The following MTCH1 variants were observed in gnomAD, a reference collection of about 807,000 sequenced individuals.
MTCH1 encodes mitochondrial carrier homolog 1.
In MTCH1, 23 loss-of-function variants were observed where a neutral mutation model predicts 49.3. The ratio of observed to expected loss-of-function variants is 0.47; its 90% CI spans 0.34 to 0.66. MTCH1 has a LOEUF of 0.66. Among genes scored for constraint, MTCH1 ranks in the 30% least tolerant of loss-of-function variants. The pLI, the probability that MTCH1 is intolerant of heterozygous loss-of-function variation, is 0.01. For missense variants in MTCH1, 397 were observed against 532.1 expected (o/e 0.75, Z 2.50); for synonymous variants, 229 against 215.2 (o/e 1.06, Z -0.56).
At chr6:36,981,018 G>A (rs1223425410) in intron 2 of MTCH1, among the ~76,000 whole-genome samples, 1 of 152,186 alleles carries the variant, frequency 6.6e-6, no homozygotes, top group African/African-American at 2.4e-5. Context: ...GCCACAGCAG[G>A]TAAGTGGCCC....
At chr6:36,985,694 G>A (rs1312448203) in intron 1 of MTCH1, among the ~76,000 whole-genome samples, 159 bp downstream of exon 1, 3 of 151,238 alleles carry the variant, frequency 2.0e-5, no homozygotes, top group Non-Finnish European at 4.4e-5. Context: ...ACTCCCTCAC[G>A]GCTTCCCTCC....
rs1287876856 is a variant in MTCH1 at position 36,982,659 on chromosome 6, G to T, written c.322-987C>A. On this transcript the variant is annotated intron_variant, in intron 1 of 11. Coordinates refer to ENST00000373627, the MANE Select transcript of MTCH1 (RefSeq NM_001271641.2). This position sits in a 1 kb window ranked among gnomAD's most constrained non-coding sequence, Gnocchi z 4.1. ...CCGCCTCGGCCTCCCAAAGTGCTGG[G>T]ATTACAGGCATGAGCCACTGCGCCC... 1.3e-5 allele frequency among the ~76,000 whole-genome samples: 2 copies of T among 152,246 alleles called. No homozygotes were observed. Among genetic ancestry groups the T allele is most frequent in the African/African-American group, 2.4e-5 (1 of 41,466 alleles).
chr6:36,983,890 C>T (rs1424066359), intron 1 of MTCH1, among the ~76,000 whole-genome samples: 1 of 152,188 alleles, frequency 6.6e-6, no homozygotes, highest in Admixed American at 6.5e-5. Flanking sequence ...TTACACTCAA[C>T]ACCAGCTGGG....
intron 7 of MTCH1, among the ~76,000 whole-genome samples, chr6:36,973,661 G>A (rs1763758692): frequency 1.3e-5 from 2 of 152,216 alleles, no homozygotes; most frequent in Non-Finnish European, 2.9e-5. Flanking sequence ...TAACATGTAT[G>A]AGTATCACCT....
chr6:36,970,753 CA>C lies in MTCH1; in HGVS notation c.907-60del, dbSNP rs1198235666. ...AGGCACCTCAGGATGCAGACTTCAG[CA>C]ACACATGCCCTCACCCCACCCTCTG... On this transcript the variant is annotated intron_variant, in intron 8 of 11. Coordinates refer to ENST00000373627, the MANE Select transcript of MTCH1 (RefSeq NM_001271641.2). The C allele has an allele frequency of 3.1e-5, 48 of 1,547,522 alleles. No homozygotes were observed. In the Middle Eastern group the frequency reaches 1.0e-3, roughly 32 times the overall value.
chr6:36,976,483 G>C (rs1267863468), intron 6 of MTCH1: 1 of 470,340 alleles, frequency 2.1e-6, no homozygotes. Flanking sequence ...TACCCTTCTG[G>C]TCCCAACTAC....
intron 9 of MTCH1, 49 bp from the exon 10 acceptor site, chr6:36,970,522 A>G: frequency 6.2e-7 from 1 of 1,609,308 alleles, no homozygotes; most frequent in East Asian, 2.2e-5. Context: ...CGGCCCAGGG[A>G]GCAGGGACAC....
Position 36,972,464 on chromosome 6 carries a change from G to A in MTCH1, c.906+188C>T, listed in dbSNP as rs1343322933. On this transcript the variant is annotated intron_variant, in intron 8 of 11. Transcript: ENST00000373627. This position sits in a 1 kb window ranked among gnomAD's most constrained non-coding sequence, Gnocchi z 4.1. Reference sequence around the variant, plus strand: ...CATTCCATTAATTCCTCCCAGGTCTGGGTACTAATCTGGAATCTCGCCTCT... The same window carrying A: ...CATTCCATTAATTCCTCCCAGGTCTAGGTACTAATCTGGAATCTCGCCTCT... 6.6e-6 allele frequency among the ~76,000 whole-genome samples: 1 copy of A among 152,072 alleles called. No individual in the cohort carries two copies. Among genetic ancestry groups the A allele is most frequent in the Non-Finnish European group, 1.5e-5 (1 of 68,018 alleles).
chr6:36,974,721 C>G (rs1039613832), intron 7 of MTCH1, among the ~76,000 whole-genome samples: 3 of 152,182 alleles, frequency 2.0e-5, no homozygotes, highest in Non-Finnish European at 1.5e-5. Context: ...TATACACACA[C>G]ATGCACCTAC....
chr6:36,974,950 A>G (rs1226383954), intron 7 of MTCH1, among the ~76,000 whole-genome samples: 1 of 152,194 alleles, frequency 6.6e-6, no homozygotes, highest in Non-Finnish European at 1.5e-5. Flanking sequence ...CAACTCATCA[A>G]GCCTGGCTTC....
chr6:36,969,967 T>C, intron 11 of MTCH1, 72 bp downstream of exon 11: 5 of 1,586,206 alleles, frequency 3.2e-6, no homozygotes, highest in Non-Finnish European at 4.3e-6. Context: ...CAATGAAGCA[T>C]CCACAAAACC....
chr6:36,971,354 A>C (rs1275954757), intron 8 of MTCH1, among the ~76,000 whole-genome samples: 1 of 152,008 alleles, frequency 6.6e-6, no homozygotes, highest in Non-Finnish European at 1.5e-5. Context: ...ACTTTAGACA[A>C]ATCTGTTGAC....
Position 36,982,876 on chromosome 6 carries a change from G to C in MTCH1, c.322-1204C>G, listed in dbSNP as rs1362228201. ...GGCAAGGGGCCAGGATACCAGCCCT[G>C]TGCCCTCTAAGCAGGCCAGCTGGGC... On this transcript the variant is annotated intron_variant, in intron 1 of 11. Coordinates refer to ENST00000373627, the MANE Select transcript of MTCH1 (RefSeq NM_001271641.2). The surrounding 1 kb of genome is among the most constrained non-coding windows in gnomAD (Gnocchi z 4.1). 2.0e-5 allele frequency among the ~76,000 whole-genome samples: 3 copies of C among 152,220 alleles called. No individual in the cohort carries two copies. Among genetic ancestry groups the C allele is most frequent in the African/African-American group, 7.2e-5 (3 of 41,456 alleles).
At chr6:36,983,429 C>T (rs916172079) in intron 1 of MTCH1, among the ~76,000 whole-genome samples, 9 of 152,188 alleles carry the variant, frequency 5.9e-5, no homozygotes, top group African/African-American at 2.2e-4. Context: ...CCCACTGACC[C>T]CAATTTCATA....
intron 7 of MTCH1, 54 bp downstream of exon 7, chr6:36,975,604 C>A: frequency 6.4e-7 from 1 of 1,556,428 alleles, no homozygotes; most frequent in South Asian, 1.1e-5. Flanking sequence ...TGAGGACACA[C>A]CTGTTAGCAG....
chr6:36,969,394 C>A (rs1763591878), intron 11 of MTCH1: 1 of 1,079,406 alleles, frequency 9.3e-7, no homozygotes, highest in Admixed American at 4.9e-5. Flanking sequence ...CTGGCTCCCT[C>A]CGGGCCACTG....
intron 6 of MTCH1, among the ~76,000 whole-genome samples, chr6:36,976,027 G>A (rs1763867196): frequency 1.3e-5 from 2 of 152,212 alleles, no homozygotes; most frequent in South Asian, 4.1e-4. Context: ...GGCCACTGCT[G>A]CAGAGGCGGC....
At position 36,977,564 on chromosome 6, in the gene MTCH1, G is replaced by C; in HGVS notation, c.649+70C>G. On this transcript the variant is annotated intron_variant, in intron 5 of 11. Coordinates refer to ENST00000373627, the MANE Select transcript of MTCH1 (RefSeq NM_001271641.2). The surrounding 1 kb of genome is among the most constrained non-coding windows in gnomAD (Gnocchi z 5.4). ...ACGGCTGTCTATGTACAGTCCACGA[G>C]GGGGCGCCCCTCACCCCACGCCCCC... 1 of 1,090,066 alleles carries C rather than the reference G, an allele frequency of 9.2e-7. No homozygotes were observed. The highest frequency in any genetic ancestry group is 1.4e-6 in the Non-Finnish European group (1 of 730,002). The allele number at this position is 1,090,066 out of a possible 1,614,324, so 67.5% of individuals were successfully genotyped here. A position where few individuals can be genotyped will look rare whatever the true frequency, so the allele number is the denominator to read the frequency against.
chr6:36,977,622 G>C lies in MTCH1; in HGVS notation c.649+12C>G, dbSNP rs545190017. ...GCTTAGATACAGTCTCGGGGGAAGG[G>C]GGGTGGCTTACCATGCAGGGGGTGG... is the stretch of plus-strand genomic sequence containing the variant. On this transcript the variant is annotated intron_variant, in intron 5 of 11. Transcript: ENST00000373627. The surrounding 1 kb of genome is among the most constrained non-coding windows in gnomAD (Gnocchi z 5.4). 3.2e-6 allele frequency: 5 copies of C among 1,581,770 alleles called. No individual in the cohort carries two copies. Among genetic ancestry groups the C allele is most frequent in the African/African-American group, 1.3e-5 (1 of 74,292 alleles).
Sources: gnomAD v4.1 joint callset for allele counts (sites outside exome capture counted in the v4.1 genomes callset) on GRCh38, gnomAD v4.1.1 for gene constraint, Gnocchi (gnomAD v3.1) non-coding constraint, MANE v1.5 for transcripts, NCBI Gene and HGNC (gene_info 2026-07-23, HGNC 2026-07-21) for gene names.